The following MARCHF3 variants were observed in gnomAD, a reference collection of about 807,000 sequenced individuals.
MARCHF3 encodes the protein membrane associated ring-CH-type finger 3.
MARCHF3 carries 13 observed loss-of-function variants against 24.2 expected under a neutral mutation model. The ratio of observed to expected loss-of-function variants is 0.54; its 90% CI spans 0.35 to 0.85. The LOEUF (loss-of-function observed/expected upper bound fraction) is 0.85. Ranked by LOEUF, MARCHF3 falls within the 40% of genes least tolerant of loss-of-function variation. MARCHF3 has a pLI of 0.01. For synonymous variants in MARCHF3, 144 were observed against 137.3 expected (o/e 1.05, Z -0.34); for missense variants, 276 against 325.0 (o/e 0.85, Z 1.16).
At chr5:126,906,573 A>T (rs899017587) in intron 3 of MARCHF3, among the ~76,000 whole-genome samples, 3 of 151,958 alleles carry the variant, frequency 2.0e-5, no homozygotes, top group East Asian at 3.9e-4. Flanking sequence ...GGAATTTATC[A>T]ATTTCTTCTA....
At chr5:126,955,183 G>GA (rs1366174063) in intron 1 of MARCHF3, among the ~76,000 whole-genome samples, 2 of 152,162 alleles carry the variant, frequency 1.3e-5, no homozygotes, top group Non-Finnish European at 2.9e-5. Flanking sequence ...AATGTTCCAA[G>GA]AAATGTTCCG....
intron 1 of MARCHF3, among the ~76,000 whole-genome samples, chr5:126,980,398 G>A (rs978461058): frequency 6.7e-6 from 1 of 150,094 alleles, no homozygotes; most frequent in Non-Finnish European, 1.5e-5. Context: ...TTGAGATGGA[G>A]TCTCACTCTG....
intron 1 of MARCHF3, among the ~76,000 whole-genome samples, chr5:126,956,118 T>C (rs1487014715): frequency 6.6e-6 from 1 of 152,202 alleles, no homozygotes; most frequent in African/African-American, 2.4e-5. Flanking sequence ...TTTCGGAGTT[T>C]CTACACTGTT....
intron 1 of MARCHF3, among the ~76,000 whole-genome samples, chr5:126,952,968 T>C (rs993964009): frequency 3.9e-5 from 6 of 152,246 alleles, no homozygotes; most frequent in African/African-American, 1.2e-4. Flanking sequence ...CAGAACCAAG[T>C]AGTGTAATTG....
intron 1 of MARCHF3, among the ~76,000 whole-genome samples, chr5:126,928,127 C>G (rs897540595): frequency 2.0e-5 from 3 of 152,182 alleles, no homozygotes; most frequent in African/African-American, 7.2e-5. Flanking sequence ...GAAAATAACA[C>G]TTATGCCCCC....
intron 1 of MARCHF3, among the ~76,000 whole-genome samples, chr5:126,961,394 G>A (rs781487397): frequency 5.3e-5 from 8 of 152,118 alleles, no homozygotes; most frequent in Non-Finnish European, 5.9e-5. Context: ...CCCAATCAGA[G>A]ATGTCCAAAC....
chr5:126,909,355 A>G (rs900717459), intron 3 of MARCHF3, among the ~76,000 whole-genome samples: 6 of 152,302 alleles, frequency 3.9e-5, no homozygotes, highest in South Asian at 2.1e-4. Flanking sequence ...CACCCAGTTC[A>G]AGCTTCCCGG....
intron 3 of MARCHF3, among the ~76,000 whole-genome samples, chr5:126,903,906 G>A (rs35888408): frequency 2.6e-5 from 4 of 151,448 alleles, no homozygotes; most frequent in Admixed American, 6.6e-5. Flanking sequence ...CTGGTGCGCC[G>A]CACCTACTAA....
intron 3 of MARCHF3, among the ~76,000 whole-genome samples, chr5:126,907,559 C>T (rs1383949984): frequency 6.6e-6 from 1 of 151,848 alleles, no homozygotes; most frequent in Non-Finnish European, 1.5e-5. Flanking sequence ...GAATTGATCC[C>T]TTTACCATTA....
chr5:127,013,161 G>C (rs772730629), intron 1 of MARCHF3, among the ~76,000 whole-genome samples: 1 of 152,158 alleles, frequency 6.6e-6, no homozygotes, highest in Non-Finnish European at 1.5e-5. Flanking sequence ...TGCCAAAGAA[G>C]CCTCACAGCC....
At chr5:126,926,596 T>C (rs1238297717) in intron 1 of MARCHF3, among the ~76,000 whole-genome samples, 5 of 152,100 alleles carry the variant, frequency 3.3e-5, no homozygotes, top group Non-Finnish European at 7.4e-5. Flanking sequence ...GAAACAAACC[T>C]GTCTTGAGTG....
chr5:126,986,696 T>TATG (rs113709777), intron 1 of MARCHF3, among the ~76,000 whole-genome samples: 7,823 of 152,266 alleles, frequency 0.051, 370 homozygotes, highest in South Asian at 0.13. Flanking sequence ...AGCTAAATCA[T>TATG]ATGCCTTTTC....
intron 1 of MARCHF3, among the ~76,000 whole-genome samples, chr5:126,943,816 C>CT (rs1254263204): frequency 3.7e-4 from 54 of 146,450 alleles, no homozygotes; most frequent in South Asian, 4.3e-4. Context: ...AACCCTTACT[C>CT]TTTTTTTTTT....
At chr5:127,000,867 C>T (rs1028323341) in intron 1 of MARCHF3, among the ~76,000 whole-genome samples, 1 of 151,878 alleles carries the variant, frequency 6.6e-6, no homozygotes, top group Non-Finnish European at 1.5e-5. Context: ...GGGGTTTCAC[C>T]GTGTTAGCCA....
rs76774784 is a variant in MARCHF3 at position 126,900,669 on chromosome 5, G to A, written c.393+14261C>T. Among the ~76,000 whole-genome samples, 1,077 of 151,840 alleles carry A rather than the reference G, an allele frequency of 7.1e-3. 5 individuals carry two copies. The highest frequency in any genetic ancestry group is 0.012 in the Non-Finnish European group (818 of 67,980). On this transcript the variant is annotated intron_variant, in intron 3 of 4. Transcript: ENST00000308660. ...GGCCACTAGGTGTGGTGGAAAGAAC[G>A]TGGGCTTTGGAGATAGACCTGGATT...
intron 1 of MARCHF3, among the ~76,000 whole-genome samples, chr5:126,946,974 T>C (rs1274556687): frequency 6.6e-6 from 1 of 152,218 alleles, no homozygotes; most frequent in African/African-American, 2.4e-5. Flanking sequence ...TAATTCTGTA[T>C]GTGAATAGAT....
chr5:126,973,298 T>C (rs978207793), intron 1 of MARCHF3, among the ~76,000 whole-genome samples: 1 of 152,152 alleles, frequency 6.6e-6, no homozygotes, highest in Non-Finnish European at 1.5e-5. Flanking sequence ...GCTGTGGGAG[T>C]TGTGACTATC....
chr5:126,984,650 T>G (rs932408285), intron 1 of MARCHF3, among the ~76,000 whole-genome samples: 1 of 152,130 alleles, frequency 6.6e-6, no homozygotes, highest in Non-Finnish European at 1.5e-5. Flanking sequence ...GCCAAGAAAA[T>G]GCACTGATGC....
At chr5:126,998,425 G>A (rs1181905123) in intron 1 of MARCHF3, among the ~76,000 whole-genome samples, 2 of 152,210 alleles carry the variant, frequency 1.3e-5, no homozygotes, top group Admixed American at 1.3e-4. Context: ...GATCAAGAGT[G>A]AAACTGGAGA....
Sources: gnomAD v4.1 joint callset for allele counts (sites outside exome capture counted in the v4.1 genomes callset) on GRCh38, gnomAD v4.1.1 for gene constraint, MANE v1.5 for transcripts, NCBI Gene and HGNC (gene_info 2026-07-23, HGNC 2026-07-21) for gene names.